The following SERPINB8 variants were observed in gnomAD, a reference collection of about 807,000 sequenced individuals.
SERPINB8 encodes serpin B8.
SERPINB8 carries 25 observed loss-of-function variants against 35.3 expected under a neutral mutation model. That is an observed-to-expected ratio of 0.71 (90% CI 0.52 to 0.99). The LOEUF (loss-of-function observed/expected upper bound fraction) is 0.99. Among genes scored for constraint, SERPINB8 ranks in the 50% least tolerant of loss-of-function variants. The probability of loss-of-function intolerance (pLI) is 0.00; values close to 1 mark genes in which losing one functional copy is unlikely to be tolerated. For missense variants in SERPINB8, 484 were observed against 446.5 expected (o/e 1.08, Z -0.76); for synonymous variants, 186 against 160.8 (o/e 1.16, Z -1.19).
At chr18:64,013,596 A>G (rs1317376659) in intron 7 of SERPINB8, among the ~76,000 whole-genome samples, 2 of 152,196 alleles carry the variant, frequency 1.3e-5, no homozygotes, top group African/African-American at 4.8e-5. Flanking sequence ...AATAAGCAAA[A>G]GAGATGCAAA....
rs2050792388 is a variant in SERPINB8 at position 63,988,296 on chromosome 18, C to A, written c.*1018C>A. Reference sequence around the variant, plus strand: ...CCTTATGAAAAACCTCCCTTAAGATCTTTCCAGGTCATCAATTTGATGTGC... The same window carrying A: ...CCTTATGAAAAACCTCCCTTAAGATATTTCCAGGTCATCAATTTGATGTGC... On this transcript the variant is annotated 3_prime_UTR_variant, in exon 7 of 7. Coordinates refer to ENST00000397985, the MANE Select transcript of SERPINB8 (RefSeq NM_002640.4). 6.6e-6 allele frequency: 1 copy of A among 152,164 alleles called. No homozygotes were observed. Among genetic ancestry groups the A allele is most frequent in the African/African-American group, 2.4e-5 (1 of 41,430 alleles). The allele number at this position is 152,164 out of a possible 1,614,324, so 9.4% of individuals were successfully genotyped here. A position where few individuals can be genotyped will look rare whatever the true frequency, so the allele number is the denominator to read the frequency against.
intron 1 of SERPINB8, among the ~76,000 whole-genome samples, chr18:63,996,532 A>T (rs1158782189): frequency 6.6e-6 from 1 of 152,122 alleles, no homozygotes; most frequent in Non-Finnish European, 1.5e-5. Context: ...CCTTTCACAA[A>T]GTGACCTAAA....
chr18:63,996,140 T>A (rs530880947), intron 1 of SERPINB8, among the ~76,000 whole-genome samples: 2 of 152,220 alleles, frequency 1.3e-5, no homozygotes, highest in Admixed American at 1.3e-4. Flanking sequence ...TTTTCTTGAG[T>A]TTTAAGACTA....
chr18:64,000,180 A>G (rs2050867551), intron 1 of SERPINB8, among the ~76,000 whole-genome samples: 1 of 152,172 alleles, frequency 6.6e-6, no homozygotes, highest in Admixed American at 6.5e-5. Context: ...CCTTTGAAAC[A>G]TCTTATCCTG....
chr18:64,016,017 A>G (rs1348540279), intron 7 of SERPINB8, among the ~76,000 whole-genome samples: 1 of 152,190 alleles, frequency 6.6e-6, no homozygotes, highest in Non-Finnish European at 1.5e-5. Context: ...TGTATGTTAG[A>G]AAGCTTATTT....
chr18:63,996,886 C>T (rs558295177), intron 1 of SERPINB8, among the ~76,000 whole-genome samples: 1 of 152,332 alleles, frequency 6.6e-6, no homozygotes, highest in South Asian at 2.1e-4. Flanking sequence ...CTGTTACTGT[C>T]ACATTTCCCT....
In SERPINB8 at chr18:63,978,424, T is replaced by C; in HGVS notation, c.116T>C (p.Leu39Pro). ...FFSPMSISSA[L>P]AMVFMGAKGS... ...TCTCCCATGAGCATCTCCTCTGCCCTGGCCATGGTCTTCATGGGGGCAAAG... is the reference window on the plus strand; with the variant it reads ...TCTCCCATGAGCATCTCCTCTGCCCCGGCCATGGTCTTCATGGGGGCAAAG... Residue 39 changes from leucine to proline, a missense_variant, in exon 2 of 7, where the codon CTG becomes CCG. Physicochemically the swap from Leu to Pro is moderately conservative, Grantham distance 98. Coordinates refer to ENST00000397985, the MANE Select transcript of SERPINB8 (RefSeq NM_002640.4). 1 of 1,614,214 alleles carries C rather than the reference T, an allele frequency of 6.2e-7. No individual in the cohort carries two copies. Among genetic ancestry groups the C allele is most frequent in the Non-Finnish European group, 8.5e-7 (1 of 1,180,030 alleles).
chr18:63,974,836 AG>A (rs2050555377), intron 1 of SERPINB8, among the ~76,000 whole-genome samples: 1 of 152,108 alleles, frequency 6.6e-6, no homozygotes, highest in South Asian at 2.1e-4. Context: ...GCAGAGGCCA[AG>A]GGGGTGCACT....
intron 6 of SERPINB8, among the ~76,000 whole-genome samples, chr18:63,985,682 A>T (rs1339838894): frequency 6.6e-6 from 1 of 152,196 alleles, no homozygotes; most frequent in African/African-American, 2.4e-5. Context: ...CATTTGTAAC[A>T]AGATTCCAAG....
intron 4 of SERPINB8, among the ~76,000 whole-genome samples, chr18:63,982,593 C>G (rs2050689396): frequency 1.3e-5 from 2 of 152,156 alleles, no homozygotes; most frequent in Non-Finnish European, 2.9e-5. Context: ...AGAAGTAATG[C>G]CCCTGATTCT....
chr18:64,010,532 A>G (rs2050921430), downstream of SERPINB8, among the ~76,000 whole-genome samples: 1 of 152,178 alleles, frequency 6.6e-6, no homozygotes, highest in Non-Finnish European at 1.5e-5. Context: ...CACAGTCATC[A>G]TCTTGCTCAG....
chr18:64,003,208 G>C (rs2050884339), intron 1 of SERPINB8, among the ~76,000 whole-genome samples: 1 of 152,140 alleles, frequency 6.6e-6, no homozygotes, highest in African/African-American at 2.4e-5. Flanking sequence ...ACCCAGCACT[G>C]TTCCTGATGC....
intron 7 of SERPINB8, among the ~76,000 whole-genome samples, chr18:64,014,748 G>A (rs540108064): frequency 6.6e-5 from 10 of 151,894 alleles, no homozygotes; most frequent in South Asian, 4.2e-4. Context: ...TCCTTTGATC[G>A]AAGATTGTTC....
intron 1 of SERPINB8, among the ~76,000 whole-genome samples, chr18:64,003,038 C>T (rs1336604236): frequency 6.6e-6 from 1 of 152,212 alleles, no homozygotes; most frequent in Non-Finnish European, 1.5e-5. Flanking sequence ...CATCTCCTCT[C>T]CTCGCATTCT....
At chr18:63,991,395 T>C (rs571746930), downstream of SERPINB8, among the ~76,000 whole-genome samples, 2 of 152,352 alleles carry the variant, frequency 1.3e-5, no homozygotes, top group African/African-American at 4.8e-5. Context: ...AATCTCAGCA[T>C]AGTTTTGTAG....
Position 63,978,427 on chromosome 18 carries a change from C to G in SERPINB8, c.119C>G (p.Ala40Gly), listed in dbSNP as rs2050617834. The G allele has an allele frequency of 1.9e-6, 3 of 1,614,044 alleles. No individual in the cohort carries two copies. Among genetic ancestry groups the G allele is most frequent in the South Asian group, 1.1e-5 (1 of 91,076 alleles). ...CCCATGAGCATCTCCTCTGCCCTGG[C>G]CATGGTCTTCATGGGGGCAAAGGGA... ...FSPMSISSALAMVFMGAKGST... is the reference protein window; with the variant it reads ...FSPMSISSALGMVFMGAKGST... Residue 40 changes from alanine (A) to glycine (G), a missense_variant, in exon 2 of 7, where the codon GCC becomes GGC. Coordinates refer to ENST00000397985, the MANE Select transcript of SERPINB8 (RefSeq NM_002640.4).
rs1409097349 is a variant in SERPINB8 at position 63,988,490 on chromosome 18, C to T, written c.*1212C>T. ...ATCCTTAATATATTTTTTAAAATTC[C>T]TAACAATAGTACTGTTGAGATAAAA... On this transcript the variant is annotated 3_prime_UTR_variant, in exon 7 of 7. Coordinates refer to ENST00000397985, the MANE Select transcript of SERPINB8 (RefSeq NM_002640.4). 1 of 152,048 alleles carries T rather than the reference C, an allele frequency of 6.6e-6. No homozygotes were observed. Among genetic ancestry groups the T allele is most frequent in the African/African-American group, 2.4e-5 (1 of 41,382 alleles). The allele number at this position is 152,048 out of a possible 1,614,324, so 9.4% of individuals were successfully genotyped here. A position where few individuals can be genotyped will look rare whatever the true frequency, so the allele number is the denominator to read the frequency against.
At chr18:63,977,726 G>C (rs1231549319) in intron 1 of SERPINB8, among the ~76,000 whole-genome samples, 1 of 152,140 alleles carries the variant, frequency 6.6e-6, no homozygotes, top group Non-Finnish European at 1.5e-5. Context: ...CAAGTCATAG[G>C]CCCTGAGATT....
At chr18:63,981,881 C>A in intron 4 of SERPINB8, 43 bp downstream of exon 4, 1 of 1,411,310 alleles carries the variant, frequency 7.1e-7, no homozygotes, top group Non-Finnish European at 1.0e-6. Context: ...TACTATACAA[C>A]GAGGCTTAGA....
Sources: gnomAD v4.1 joint callset for allele counts (sites outside exome capture counted in the v4.1 genomes callset) on GRCh38, gnomAD v4.1.1 for gene constraint, MANE v1.5 for transcripts, NCBI Gene and HGNC (gene_info 2026-07-23, HGNC 2026-07-21) for gene names.